AUTS2: variants seen among roughly 807,000 people sequenced by gnomAD.
AUTS2 encodes the protein activator of transcription and developmental regulator AUTS2.
In AUTS2, 17 loss-of-function variants were observed where a neutral mutation model predicts 112.4. That is an observed-to-expected ratio of 0.15 (90% confidence interval 0.10 to 0.23). The LOEUF (loss-of-function observed/expected upper bound fraction) is 0.23, where lower values mean the gene tolerates loss of function less well. AUTS2 is among the 10% of genes least tolerant of loss of function. The probability of loss-of-function intolerance (pLI) is 1.00; values close to 1 mark genes in which losing one functional copy is unlikely to be tolerated. For missense variants in AUTS2, 1,510 were observed against 1,701.6 expected (o/e 0.89, Z 1.98); for synonymous variants, 751 against 702.7 (o/e 1.07, Z -1.09).
intron 1 of AUTS2, among the ~76,000 whole-genome samples, chr7:69,740,465 C>T (rs1390460573): frequency 6.6e-6 from 1 of 152,058 alleles, no homozygotes; most frequent in Non-Finnish European, 1.5e-5. Context: ...GAAAGGAAGA[C>T]ACAATTGTGA....
chr7:70,692,522 T>G (rs1036000416), intron 5 of AUTS2, among the ~76,000 whole-genome samples: 3 of 152,254 alleles, frequency 2.0e-5, no homozygotes, highest in African/African-American at 7.2e-5. Flanking sequence ...TGACATCTTG[T>G]AAGCAACTGG....
intron 4 of AUTS2, among the ~76,000 whole-genome samples, chr7:70,141,150 A>G (rs1319101012): frequency 6.6e-6 from 1 of 152,184 alleles, no homozygotes; most frequent in Non-Finnish European, 1.5e-5. Context: ...GGGAGCAACA[A>G]AGACAAGAAT....
chr7:70,707,943 G>A (rs867116078), intron 6 of AUTS2, among the ~76,000 whole-genome samples: 10 of 152,174 alleles, frequency 6.6e-5, no homozygotes, highest in East Asian at 5.8e-4. Flanking sequence ...TGTGGGCTCC[G>A]ATCTGCGTCT....
intron 4 of AUTS2, among the ~76,000 whole-genome samples, chr7:70,186,714 G>A (rs956059105): frequency 7.2e-5 from 11 of 151,952 alleles, no homozygotes; most frequent in African/African-American, 1.5e-4. Flanking sequence ...AATTACAGGC[G>A]CCCGCCACCA....
intron 1 of AUTS2, among the ~76,000 whole-genome samples, chr7:69,637,543 T>C (rs1358218262): frequency 6.6e-6 from 1 of 152,230 alleles, no homozygotes; most frequent in Non-Finnish European, 1.5e-5. Context: ...TTGACTAATA[T>C]GTGTTATTTA....
intron 5 of AUTS2, among the ~76,000 whole-genome samples, chr7:70,505,992 G>A (rs933407422): frequency 5.3e-5 from 8 of 152,218 alleles, no homozygotes; most frequent in Admixed American, 2.6e-4. Flanking sequence ...TCCAAGACCA[G>A]GCGCTGGCCT....
At chr7:70,787,726 C>T (rs371421252) in intron 18 of AUTS2, among the ~76,000 whole-genome samples, 1 of 152,342 alleles carries the variant, frequency 6.6e-6, no homozygotes, top group East Asian at 1.9e-4. Context: ...CTCTAGAAGA[C>T]AGGGAGTTGG....
intron 1 of AUTS2, among the ~76,000 whole-genome samples, chr7:69,811,620 G>C (rs756909455): frequency 3.3e-5 from 5 of 151,986 alleles, no homozygotes; most frequent in Non-Finnish European, 7.4e-5. Flanking sequence ...CCTTTCTTCT[G>C]TATAGACTTT....
rs1804951921 is a variant in AUTS2 at position 70,109,421 on chromosome 7, C to G, written c.523-8711C>G. ...AGTCCATGGTTATACTCAAGGAATG[C>G]CAAATGCAATCTGTTCATTCTGGCC... On this transcript the variant is annotated intron_variant, in intron 2 of 18. Coordinates refer to ENST00000342771, the MANE Select transcript of AUTS2 (RefSeq NM_015570.4). Among the ~76,000 whole-genome samples, 4 of 152,142 alleles carry G rather than the reference C, an allele frequency of 2.6e-5. No individual in the cohort carries two copies. In the South Asian group the frequency reaches 8.3e-4, roughly 32 times the overall value.
rs141276982 is a variant in AUTS2, at chr7:70,108,410, A to G, written c.523-9722A>G. 2.2e-3 allele frequency among the ~76,000 whole-genome samples: 339 copies of G among 152,308 alleles called. 1 individual carries two copies. Among genetic ancestry groups the G allele is most frequent in the African/African-American group, 7.5e-3 (311 of 41,568 alleles). On this transcript the variant is annotated intron_variant, in intron 2 of 18. Coordinates refer to ENST00000342771, the MANE Select transcript of AUTS2 (RefSeq NM_015570.4). Reference sequence around the variant, plus strand: ...AACAAAGTTTTAAAAACTTGTTAATATGGCAATTTTAAAACATACATGAAA... The same window carrying G: ...AACAAAGTTTTAAAAACTTGTTAATGTGGCAATTTTAAAACATACATGAAA...
chr7:70,335,367 A>G (rs894533114), intron 4 of AUTS2, among the ~76,000 whole-genome samples: 4 of 152,130 alleles, frequency 2.6e-5, no homozygotes, highest in Admixed American at 1.3e-4. Context: ...CTCTTGTCTA[A>G]TTAGTCCTCT....
chr7:70,623,556 A>G (rs1804783643), intron 5 of AUTS2, among the ~76,000 whole-genome samples: 1 of 152,216 alleles, frequency 6.6e-6, no homozygotes, highest in Non-Finnish European at 1.5e-5. Flanking sequence ...CTCTTGTCAC[A>G]GTGGTTATTG....
chr7:69,945,158 C>G (rs1315110138), intron 2 of AUTS2, among the ~76,000 whole-genome samples: 1 of 152,092 alleles, frequency 6.6e-6, no homozygotes, highest in Non-Finnish European at 1.5e-5. Context: ...ATATATAGTT[C>G]AGTGATTTTA....
intron 2 of AUTS2, among the ~76,000 whole-genome samples, chr7:70,055,057 A>G (rs886896022): frequency 1.3e-5 from 2 of 152,044 alleles, no homozygotes; most frequent in Admixed American, 1.3e-4. Context: ...TTTAATTCAC[A>G]TAGAAGTACC....
At chr7:70,040,147 C>T (rs990189757) in intron 2 of AUTS2, among the ~76,000 whole-genome samples, 4 of 152,110 alleles carry the variant, frequency 2.6e-5, no homozygotes, top group Non-Finnish European at 4.4e-5. Context: ...TATAATTTTA[C>T]GTACGACCAA....
intron 4 of AUTS2, among the ~76,000 whole-genome samples, chr7:70,283,070 G>T (rs1330312327): frequency 6.6e-6 from 1 of 152,108 alleles, no homozygotes; most frequent in Non-Finnish European, 1.5e-5. Flanking sequence ...GATGGATTTG[G>T]AATCCTGAAA....
chr7:69,870,819 T>C (rs928009838), intron 1 of AUTS2, among the ~76,000 whole-genome samples: 2 of 152,132 alleles, frequency 1.3e-5, no homozygotes, highest in Non-Finnish European at 2.9e-5. Flanking sequence ...TTTTATGGTG[T>C]TTTAAATTAG....
intron 4 of AUTS2, among the ~76,000 whole-genome samples, chr7:70,300,652 C>T (rs1157777609): frequency 6.6e-6 from 1 of 152,112 alleles, no homozygotes; most frequent in Non-Finnish European, 1.5e-5. Flanking sequence ...GCCATCAAGC[C>T]AGCGGTGCCA....
chr7:70,126,248 G>A (rs559327546), intron 3 of AUTS2, among the ~76,000 whole-genome samples: 2 of 152,126 alleles, frequency 1.3e-5, no homozygotes, highest in Admixed American at 6.5e-5. Flanking sequence ...GTGAAACCCC[G>A]TCTCTACTAA....
Sources: allele counts gnomAD v4.1 joint callset (sites outside exome capture counted in the v4.1 genomes callset), GRCh38; gene constraint gnomAD v4.1.1; transcripts MANE v1.5; gene names NCBI Gene and HGNC (gene_info 2026-07-23, HGNC 2026-07-21).